The following LMAN2L variants were observed in gnomAD, a reference collection of about 807,000 sequenced individuals.
The protein encoded by LMAN2L is VIP36-like protein.
Under a neutral mutation model 44.3 loss-of-function variants are expected in LMAN2L, and 30 were observed. The ratio of observed to expected loss-of-function variants is 0.68; its 90% CI spans 0.51 to 0.92. The LOEUF (loss-of-function observed/expected upper bound fraction) is 0.92. LMAN2L is among the 40% of genes least tolerant of loss of function. The pLI, the probability that LMAN2L is intolerant of heterozygous loss-of-function variation, is 0.00. For synonymous variants in LMAN2L, 183 were observed against 171.1 expected (o/e 1.07, Z -0.54); for missense variants, 429 against 446.1 (o/e 0.96, Z 0.35).
chr2:96,710,193 G>T (rs1049693500), intron 6 of LMAN2L, among the ~76,000 whole-genome samples: 1 of 152,172 alleles, frequency 6.6e-6, no homozygotes, highest in Admixed American at 6.5e-5. Context: ...GGATAATAAG[G>T]CTTTTGGCAG....
intron 4 of LMAN2L, among the ~76,000 whole-genome samples, chr2:96,719,159 C>T (rs2078099934): frequency 6.6e-6 from 1 of 152,094 alleles, no homozygotes; most frequent in South Asian, 2.1e-4. Context: ...TATGTCAATA[C>T]TTCTTGTTAA....
chr2:96,736,792 G>A lies in LMAN2L; in HGVS notation c.306+1157C>T, dbSNP rs529878359. The stretch of plus-strand genomic sequence containing the variant: ...AGGAGGACTGTGACAGAGCTGGACC[G>A]AGAATCCCAGTCTTTCAACTGTCCT... On this transcript the variant is annotated intron_variant, in intron 2 of 7. Transcript: ENST00000264963. Among the ~76,000 whole-genome samples, 290 of 152,246 alleles carry A rather than the reference G, an allele frequency of 1.9e-3. 1 individual carries two copies. The highest frequency in any genetic ancestry group is 6.8e-3 in the African/African-American group (283 of 41,528).
At chr2:96,712,492 G>A (rs1448873852) in intron 4 of LMAN2L, among the ~76,000 whole-genome samples, 4 of 152,148 alleles carry the variant, frequency 2.6e-5, no homozygotes, top group Non-Finnish European at 2.9e-5. Context: ...TGCACACAGC[G>A]GGTATTCTGA....
chr2:96,718,329 CCATA>C (rs1163310648), intron 4 of LMAN2L, among the ~76,000 whole-genome samples: 5 of 152,122 alleles, frequency 3.3e-5, no homozygotes, highest in African/African-American at 1.2e-4. Flanking sequence ...CTAGTATTTA[CCATA>C]CAATTTTTCT....
chr2:96,738,675 T>C (rs1574034526), intron 1 of LMAN2L, among the ~76,000 whole-genome samples: 1 of 151,842 alleles, frequency 6.6e-6, no homozygotes, highest in Non-Finnish European at 1.5e-5. Flanking sequence ...ACCTTGTCTC[T>C]AAAAATATAT....
At chr2:96,710,084 G>C (rs939791510) in intron 6 of LMAN2L, among the ~76,000 whole-genome samples, 1 of 152,226 alleles carries the variant, frequency 6.6e-6, no homozygotes, top group Admixed American at 6.5e-5. Context: ...TGGCCTGCTC[G>C]GTACTTAGAA....
rs1343242511 is a variant in LMAN2L at position 96,707,369 on chromosome 2, G to A, written c.934C>T (p.Leu312=). Reference sequence around the variant, plus strand: ...AAAAAGACGATGAGGAAGAGGGCCAGGCCACTCAGGGGCGGCAGTGGAGCT... The same window carrying A: ...AAAAAGACGATGAGGAAGAGGGCCAAGCCACTCAGGGGCGGCAGTGGAGCT... The part of the protein sequence containing the change: ...MTAPLPPLSG[L]ALFLIVFFSL... Residue 312 remains leucine (L), a synonymous_variant, in exon 8 of 8, where the codon CTG becomes TTG. Coordinates refer to ENST00000264963, the MANE Select transcript of LMAN2L (RefSeq NM_030805.4). 1 of 1,613,196 alleles carries A rather than the reference G, an allele frequency of 6.2e-7. No individual in the cohort carries two copies. Among genetic ancestry groups the A allele is most frequent in the African/African-American group, 1.3e-5 (1 of 74,916 alleles).
At chr2:96,721,734 C>T (rs532531407) in intron 4 of LMAN2L, among the ~76,000 whole-genome samples, 139 of 152,242 alleles carry the variant, frequency 9.1e-4, no homozygotes, top group African/African-American at 3.2e-3. Flanking sequence ...TCCACCTTGG[C>T]CTCCCAAAGT....
Position 96,721,492 on chromosome 2 carries a change from C to T in LMAN2L, c.508-9467G>A, listed in dbSNP as rs1171231701. The stretch of plus-strand genomic sequence containing the variant: ...GAATTACAAGTGTAAGCCACTGTGC[C>T]TGGCAATTACTCCTACTTTGTTTTT... On this transcript the variant is annotated intron_variant, in intron 4 of 7. Transcript: ENST00000264963. 2.0e-5 allele frequency among the ~76,000 whole-genome samples: 3 copies of T among 151,734 alleles called. No individual in the cohort carries two copies. The East Asian group carries it at 5.8e-4, about 29-fold the overall frequency.
intron 6 of LMAN2L, 77 bp downstream of exon 6, chr2:96,711,579 T>C: frequency 2.1e-6 from 2 of 958,884 alleles, no homozygotes; most frequent in South Asian, 2.8e-5. Flanking sequence ...GGCTCTCCCC[T>C]GTGAGAGGCC....
chr2:96,733,397 A>C, intron 4 of LMAN2L, 122 bp downstream of exon 4: 1 of 708,790 alleles, frequency 1.4e-6, no homozygotes, highest in Non-Finnish European at 2.4e-6. Flanking sequence ...ATTAACTTTC[A>C]AAGTTCAACA....
intron 2 of LMAN2L, among the ~76,000 whole-genome samples, chr2:96,735,608 G>A (rs1312475837): frequency 6.6e-6 from 1 of 152,188 alleles, no homozygotes; most frequent in African/African-American, 2.4e-5. Flanking sequence ...GGAGGCTGAG[G>A]TGGGCAGATC....
chr2:96,714,448 A>G (rs1483429827), intron 4 of LMAN2L, among the ~76,000 whole-genome samples: 1 of 152,248 alleles, frequency 6.6e-6, no homozygotes, highest in Non-Finnish European at 1.5e-5. Context: ...CAGGACACAG[A>G]AAGGCATGAC....
chr2:96,708,521 C>T (rs2077836039), intron 6 of LMAN2L, among the ~76,000 whole-genome samples: 1 of 152,214 alleles, frequency 6.6e-6, no homozygotes, highest in Non-Finnish European at 1.5e-5. Flanking sequence ...CAAGACGCAT[C>T]TGTATAATTA....
intron 4 of LMAN2L, among the ~76,000 whole-genome samples, chr2:96,724,979 C>T (rs1379629592): frequency 4.6e-5 from 7 of 152,050 alleles, no homozygotes; most frequent in South Asian, 2.1e-4. Context: ...CTACAGGCGC[C>T]GCCACCATGC....
intron 2 of LMAN2L, 166 bp from the exon 3 acceptor site, chr2:96,734,692 C>T (rs776773222): frequency 2.3e-5 from 14 of 599,264 alleles, no homozygotes; most frequent in East Asian, 5.5e-5. Flanking sequence ...TAAAATTAAA[C>T]GGATTGAACC....
chr2:96,737,828 C>A, intron 2 of LMAN2L, 121 bp downstream of exon 2: 1 of 642,000 alleles, frequency 1.6e-6, no homozygotes, highest in South Asian at 2.0e-5. Flanking sequence ...AAATAAAGAT[C>A]CTTGATATCC....
intron 4 of LMAN2L, among the ~76,000 whole-genome samples, chr2:96,720,064 TA>T (rs1304476986): frequency 6.6e-6 from 1 of 152,100 alleles, no homozygotes; most frequent in Non-Finnish European, 1.5e-5. Flanking sequence ...AATGTTTTTT[TA>T]ACTGGATGGC....
chr2:96,737,120 A>G (rs188602713), intron 2 of LMAN2L: 17 of 455,644 alleles, frequency 3.7e-5, no homozygotes, highest in African/African-American at 2.0e-4. Flanking sequence ...GAAACAGAAA[A>G]GAAAGCATCA....
Sources: allele counts gnomAD v4.1 joint callset (sites outside exome capture counted in the v4.1 genomes callset), GRCh38; gene constraint gnomAD v4.1.1; transcripts MANE v1.5; gene names NCBI Gene and HGNC (gene_info 2026-07-23, HGNC 2026-07-21).